Variants in PDZK1 observed in about 807,000 individuals in gnomAD.
PDZK1 encodes the protein Na(+)/H(+) exchange regulatory cofactor NHE-RF3.
A neutral mutation model predicts 38.1 loss-of-function variants in PDZK1; 23 were observed. That is an observed-to-expected ratio of 0.60 (90% CI 0.43 to 0.85). PDZK1 has a LOEUF of 0.85. Among genes scored for constraint, PDZK1 ranks in the 40% least tolerant of loss-of-function variants. The pLI, the probability that PDZK1 is intolerant of heterozygous loss-of-function variation, is 0.00. For synonymous variants in PDZK1, 98 were observed against 186.2 expected, an observed-to-expected ratio of 0.53 and a Z score of 3.86; for missense variants, 297 against 504.3, an observed-to-expected ratio of 0.59 and a Z score of 3.94.
intron 5 of PDZK1, among the ~76,000 whole-genome samples, chr1:145,680,249 G>C (rs1421671305): frequency 3.9e-5 from 6 of 152,054 alleles, no homozygotes; most frequent in South Asian, 4.1e-4. Context: ...CCAAGGCACT[G>C]AGGATGTTTT....
intron 6 of PDZK1, among the ~76,000 whole-genome samples, chr1:145,677,448 TAG>T: frequency 1.3e-5 from 2 of 151,152 alleles, no homozygotes; most frequent in South Asian, 4.2e-4. Flanking sequence ...AGCATGCCAT[TAG>T]AGACTTCTAT....
At chr1:145,692,882 A>G (rs1354416996) in intron 1 of PDZK1, among the ~76,000 whole-genome samples, 1 of 152,064 alleles carries the variant, frequency 6.6e-6, no homozygotes, top group African/African-American at 2.4e-5. Context: ...ATTCAAAAAA[A>G]AAAAAATTAG....
At chr1:145,693,761 G>A (rs587647873) in intron 1 of PDZK1, among the ~76,000 whole-genome samples, 1 of 149,034 alleles carries the variant, frequency 6.7e-6, no homozygotes, top group South Asian at 2.2e-4. Context: ...GTGACAGAGC[G>A]AGACTCCACC....
chr1:145,694,895 CAAAAAAAAAAAAA>C (rs10657290), intron 1 of PDZK1, among the ~76,000 whole-genome samples: 7 of 39,794 alleles, frequency 1.8e-4, no homozygotes, highest in South Asian at 1.3e-3. Flanking sequence ...GACTCTGTCT[CAAAAAAAAAAAAA>C]AAAAAAAAAA....
intron 1 of PDZK1, among the ~76,000 whole-genome samples, chr1:145,696,063 GTAGT>G (rs1655611218): frequency 6.6e-6 from 1 of 152,308 alleles, no homozygotes; most frequent in Non-Finnish European, 1.5e-5. Flanking sequence ...CCCCTGGCAT[GTAGT>G]TATTTTGTTC....
At chr1:145,704,679 A>G (rs1553705456) in intron 1 of PDZK1, among the ~76,000 whole-genome samples, 1 of 152,184 alleles carries the variant, frequency 6.6e-6, no homozygotes, top group Non-Finnish European at 1.5e-5. Flanking sequence ...GAGATTAAGG[A>G]AATCTGGGCA....
At chr1:145,689,569 G>C (rs1288715571) in intron 1 of PDZK1, among the ~76,000 whole-genome samples, 6 of 152,138 alleles carry the variant, frequency 3.9e-5, no homozygotes, top group Non-Finnish European at 7.3e-5. Context: ...TCTTTTATAG[G>C]AGAATAAGAA....
chr1:145,682,285 CAT>C (rs1289570815), intron 4 of PDZK1, among the ~76,000 whole-genome samples: 1 of 83,436 alleles, frequency 1.2e-5, no homozygotes, highest in Non-Finnish European at 2.4e-5. Context: ...TTGTAGACCT[CAT>C]GTGAAACTAG....
chr1:145,703,236 G>A (rs587598953), intron 1 of PDZK1, among the ~76,000 whole-genome samples: 67 of 152,212 alleles, frequency 4.4e-4, no homozygotes, highest in Admixed American at 2.9e-3. Flanking sequence ...TACCTACTGC[G>A]AGGCAGGTAT....
intron 6 of PDZK1, among the ~76,000 whole-genome samples, chr1:145,677,795 C>T (rs1653834992): frequency 6.9e-6 from 1 of 145,718 alleles, no homozygotes; most frequent in Non-Finnish European, 1.5e-5. Context: ...TTGTATATCA[C>T]AGAGGACATT....
At chr1:145,687,765 G>A (rs1389170656) in intron 2 of PDZK1, 47 bp downstream of exon 2, 3 of 1,474,296 alleles carry the variant, frequency 2.0e-6, no homozygotes, top group Admixed American at 1.7e-5. Flanking sequence ...GAGAAGATGT[G>A]GGGGCTGAAG....
intron 3 of PDZK1, among the ~76,000 whole-genome samples, chr1:145,684,349 C>T (rs1188185863): frequency 6.6e-6 from 1 of 151,936 alleles, no homozygotes; most frequent in Non-Finnish European, 1.5e-5. Flanking sequence ...GCTGGGACTA[C>T]AGGCGCCCAC....
At chr1:145,686,995 A>G (rs1654830479) in intron 2 of PDZK1, among the ~76,000 whole-genome samples, 1 of 152,092 alleles carries the variant, frequency 6.6e-6, no homozygotes, top group African/African-American at 2.4e-5. Flanking sequence ...CTTTCTAGAG[A>G]GGAGCGCTGC....
intron 8 of PDZK1, 113 bp downstream of exon 8, chr1:145,672,617 C>T (rs1653190715): frequency 5.1e-6 from 7 of 1,381,764 alleles, no homozygotes; most frequent in African/African-American, 1.4e-5. Context: ...TTTACATTTT[C>T]ATTTTCTAGT....
chr1:145,693,635 G>A (rs993626507), intron 1 of PDZK1, among the ~76,000 whole-genome samples: 1 of 151,966 alleles, frequency 6.6e-6, no homozygotes, highest in Non-Finnish European at 1.5e-5. Context: ...TTAGCCGGGC[G>A]TGGTGGCGGG....
intron 6 of PDZK1, chr1:145,674,428 T>G (rs1653432273): frequency 1.1e-5 from 4 of 372,024 alleles, no homozygotes; most frequent in Non-Finnish European, 1.5e-5. Context: ...CGGCAAAGCA[T>G]TATTTTGGTG....
At chr1:145,702,112 G>A (rs1442703757) in intron 1 of PDZK1, among the ~76,000 whole-genome samples, 2 of 152,144 alleles carry the variant, frequency 1.3e-5, no homozygotes, top group East Asian at 3.9e-4. Flanking sequence ...ATCTGGAGAA[G>A]AGTGATCCCA....
intron 1 of PDZK1, among the ~76,000 whole-genome samples, chr1:145,690,930 C>T (rs2101912861): frequency 6.6e-6 from 1 of 152,298 alleles, no homozygotes; most frequent in Admixed American, 6.5e-5. Context: ...AGATCTGCAT[C>T]TATGGCTTTG....
At chr1:145,696,523 G>C (rs587723121) in intron 1 of PDZK1, among the ~76,000 whole-genome samples, 1 of 152,350 alleles carries the variant, frequency 6.6e-6, no homozygotes, top group Admixed American at 6.5e-5. Flanking sequence ...AAGAGGAAGA[G>C]ACATCAGAGA....
Sources: gnomAD v4.1 joint callset for allele counts (sites outside exome capture counted in the v4.1 genomes callset) on GRCh38, gnomAD v4.1.1 for gene constraint, MANE v1.5 for transcripts, NCBI Gene and HGNC (gene_info 2026-07-23, HGNC 2026-07-21) for gene names.